The following IGBP1C variants were observed in gnomAD, a reference collection of about 807,000 sequenced individuals.
IGBP1C encodes immunoglobulin-binding protein 1 family member C.
the IGBP1C span, among the ~76,000 whole-genome samples, chr17:58,683,031 C>T: frequency 3.9e-4 from 50 of 129,520 alleles, 1 homozygote; most frequent in East Asian, 0.011. Flanking sequence ...CCAGCCTGGG[C>T]GACAGTGCGA....
At chr17:58,681,225 C>G in the IGBP1C span, among the ~76,000 whole-genome samples, 2 of 152,094 alleles carry the variant, frequency 1.3e-5, no homozygotes, top group Non-Finnish European at 2.9e-5. Flanking sequence ...TGCCATTGCA[C>G]TCCAGCCTGA....
At chr17:58,671,940 T>C in the IGBP1C span, among the ~76,000 whole-genome samples, 14 of 152,040 alleles carry the variant, frequency 9.2e-5, no homozygotes, top group African/African-American at 3.4e-4. Context: ...GTATTTCCTC[T>C]ATCTTAGAGG....
At chr17:58,677,557 T>C in the IGBP1C span, 1 of 152,170 alleles carries the variant, frequency 6.6e-6, no homozygotes, top group Non-Finnish European at 1.5e-5. Flanking sequence ...CTACTTCCCA[T>C]TTGACAAAGA....
At chr17:58,676,465 C>G in the IGBP1C span, among the ~76,000 whole-genome samples, 1 of 151,880 alleles carries the variant, frequency 6.6e-6, no homozygotes, top group Non-Finnish European at 1.5e-5. Context: ...GAGGCTGAGG[C>G]AAGAGAATCA....
At chr17:58,689,975 G>T in the IGBP1C span, among the ~76,000 whole-genome samples, 1 of 146,006 alleles carries the variant, frequency 6.8e-6, no homozygotes, top group Non-Finnish European at 1.5e-5. Flanking sequence ...TCAGCCTCCC[G>T]AGTAGCTGGG....
the IGBP1C span, among the ~76,000 whole-genome samples, chr17:58,669,999 C>T: frequency 2.0e-5 from 3 of 152,132 alleles, no homozygotes; most frequent in Non-Finnish European, 4.4e-5. Flanking sequence ...TCCACCATAC[C>T]GCCGTGGCAG....
At chr17:58,691,441 G>A in the IGBP1C span, among the ~76,000 whole-genome samples, 4 of 151,858 alleles carry the variant, frequency 2.6e-5, no homozygotes, top group African/African-American at 7.2e-5. Context: ...GGCCGAGGCA[G>A]GCGGATCACG....
At chr17:58,666,458 C>CAACCAAAAAAAA in the IGBP1C span, 3 of 36,814 alleles carry the variant, frequency 8.1e-5, no homozygotes, top group Non-Finnish European at 4.7e-5. Context: ...CCTTCCACGG[C>CAACCAAAAAAAA]AAAAAAAAAA....
At chr17:58,689,995 G>C in the IGBP1C span, among the ~76,000 whole-genome samples, 1 of 146,392 alleles carries the variant, frequency 6.8e-6, no homozygotes, top group Non-Finnish European at 1.5e-5. Flanking sequence ...GACTACAGGC[G>C]CCCACCACCG....
chr17:58,666,458 C>CAACCAAAAA, the IGBP1C span: 1 of 36,812 alleles, frequency 2.7e-5, no homozygotes. Flanking sequence ...CCTTCCACGG[C>CAACCAAAAA]AAAAAAAAAA....
At chr17:58,662,413 TCTCACACACACACACACACA>T in the IGBP1C span, among the ~76,000 whole-genome samples, 269 of 127,740 alleles carry the variant, frequency 2.1e-3, 4 homozygotes, top group Admixed American at 6.2e-3. Flanking sequence ...AGCACACATA[TCTCACACACACACACACACA>T]CACACACACA....
At chr17:58,668,756 A>G in the IGBP1C span, among the ~76,000 whole-genome samples, 2 of 152,168 alleles carry the variant, frequency 1.3e-5, no homozygotes, top group Admixed American at 1.3e-4. Context: ...GATCACCCAG[A>G]AAGCATGTGG....
the IGBP1C span, chr17:58,660,908 G>C: frequency 6.8e-5 from 58 of 847,784 alleles, no homozygotes; most frequent in East Asian, 1.4e-3. Flanking sequence ...TGAGTTAGAA[G>C]TGGATGCCTC....
chr17:58,678,883 G>C, the IGBP1C span, among the ~76,000 whole-genome samples: 1 of 150,856 alleles, frequency 6.6e-6, no homozygotes, highest in Admixed American at 6.6e-5. Context: ...GCCAGGCGCC[G>C]TGGCTCACAC....
chr17:58,687,609 A>T, the IGBP1C span, among the ~76,000 whole-genome samples: 1 of 151,708 alleles, frequency 6.6e-6, no homozygotes, highest in Admixed American at 6.6e-5. Context: ...CTGGGATTAC[A>T]GGTGTGAGCC....
chr17:58,683,537 C>T, the IGBP1C span, among the ~76,000 whole-genome samples: 2 of 150,362 alleles, frequency 1.3e-5, no homozygotes, highest in East Asian at 2.0e-4. Context: ...CTGAGGCAGG[C>T]GGATAACCTG....
chr17:58,661,569 G>A, the IGBP1C span: 2 of 739,778 alleles, frequency 2.7e-6, no homozygotes, highest in South Asian at 2.9e-5. Context: ...AGCCGCGGCG[G>A]CGGCAGGAAC....
the IGBP1C span, among the ~76,000 whole-genome samples, chr17:58,688,462 T>G: frequency 6.6e-6 from 1 of 152,236 alleles, no homozygotes; most frequent in Non-Finnish European, 1.5e-5. Flanking sequence ...ATTAGCATTC[T>G]GCTGAGCTAG....
the IGBP1C span, among the ~76,000 whole-genome samples, chr17:58,683,261 T>A: frequency 5.3e-5 from 8 of 150,912 alleles, no homozygotes; most frequent in African/African-American, 9.8e-5. Context: ...TAATCCCAGC[T>A]ACTCCGGAGG....
Sources: gnomAD v4.1 joint callset for allele counts (sites outside exome capture counted in the v4.1 genomes callset) on GRCh38, gnomAD v4.1.1 for gene constraint, MANE v1.5 for transcripts, NCBI Gene and HGNC (gene_info 2026-07-23, HGNC 2026-07-21) for gene names.